ECPAS: variants seen among roughly 807,000 people sequenced by gnomAD.
The protein encoded by ECPAS is Ecm29 proteasome adaptor and scaffold.
In ECPAS, 70 loss-of-function variants were observed where a neutral mutation model predicts 255.1. That is an observed-to-expected ratio of 0.27 (90% CI 0.23 to 0.33). The LOEUF (loss-of-function observed/expected upper bound fraction) is 0.33, where lower values mean the gene tolerates loss of function less well. ECPAS is among the 10% of genes least tolerant of loss of function. The pLI, the probability that ECPAS is intolerant of heterozygous loss-of-function variation, is 1.00. For synonymous variants in ECPAS, 784 were observed against 775.0 expected (o/e 1.01, Z -0.19); for missense variants, 1,817 against 2,206.4 (o/e 0.82, Z 3.54).
intron 22 of ECPAS, among the ~76,000 whole-genome samples, chr9:111,410,644 G>C (rs753753703): frequency 6.6e-6 from 1 of 151,870 alleles, no homozygotes; most frequent in Non-Finnish European, 1.5e-5. Context: ...AGCTTCCTCA[G>C]TAGTTGAGGC....
chr9:111,401,602 A>G (rs749505168), intron 24 of ECPAS, among the ~76,000 whole-genome samples: 7 of 152,234 alleles, frequency 4.6e-5, no homozygotes, highest in Non-Finnish European at 8.8e-5. Context: ...TCCCAATCCT[A>G]GCAAGCCTGA....
In ECPAS at chr9:111,416,289, G is replaced by A; in HGVS notation, c.1747C>T (p.Pro583Ser). 1 of 1,613,032 alleles carries A rather than the reference G, an allele frequency of 6.2e-7. No homozygotes were observed. Among genetic ancestry groups the A allele is most frequent in the Non-Finnish European group, 8.5e-7 (1 of 1,179,120 alleles). ...MTGTTVLPFN[P>S]AAFGEIVLYL... ...AGTTCTACCTCTCCAAAGGCTGCTG[G>A]GTTAAATGGAAGGACAGTGGTCCCG... Residue 583 changes from proline (P) to serine (S), a missense_variant, in exon 18 of 50, where the codon CCA becomes TCA. Physicochemically the swap from Pro to Ser is moderately conservative, Grantham distance 74 (BLOSUM62 -1). Transcript: ENST00000684092.
At chr9:111,385,465 A>G (rs2098146745) in intron 32 of ECPAS, 23 bp from the exon 33 acceptor site, 1 of 1,291,710 alleles carries the variant, frequency 7.7e-7, no homozygotes, top group Non-Finnish European at 1.1e-6. Context: ...ATTTCATTTC[A>G]ATATATGATG....
chr9:111,420,109 T>C lies in ECPAS; in HGVS notation c.1467A>G (p.Gln489=), dbSNP rs571180785. The change falls in exon 16 of 50, where the codon CAA becomes CAG. Residue 489 remains glutamine (Q), a synonymous_variant. Coordinates refer to ENST00000684092, the MANE Select transcript of ECPAS (RefSeq NM_001364929.1). ...VASYLIKPEV[Q]VRQVAVKFAS... The stretch of plus-strand genomic sequence containing the variant: ...CAAATTTCACAGCCACTTGTCGAAC[T>C]TGAACTTCAGGCTATTTCATGTGTA... The C allele has an allele frequency of 1.2e-5, 19 of 1,612,100 alleles. No individual in the cohort carries two copies. The South Asian group carries it at 1.3e-4, about 11-fold the overall frequency.
chr9:111,396,113 T>C (rs916294365), intron 25 of ECPAS, among the ~76,000 whole-genome samples: 4 of 152,242 alleles, frequency 2.6e-5, no homozygotes, highest in African/African-American at 9.6e-5. Context: ...ATAAAATTGT[T>C]ACCATGAGAA....
chr9:111,465,505 AC>A (rs1324673138), intron 2 of ECPAS, among the ~76,000 whole-genome samples: 1 of 152,080 alleles, frequency 6.6e-6, no homozygotes, highest in Non-Finnish European at 1.5e-5. Context: ...GTGCCATTGC[AC>A]TGCAGCCTGG....
intron 11 of ECPAS, 24 bp downstream of exon 11, chr9:111,425,719 T>C (rs2098220580): frequency 7.5e-7 from 1 of 1,342,100 alleles, no homozygotes; most frequent in Non-Finnish European, 1.1e-6. Context: ...GAAAACTTTA[T>C]AGTTAAAATA....
chr9:111,423,279 G>A (rs769976832), intron 12 of ECPAS, 31 bp from the exon 13 acceptor site: 1 of 1,475,776 alleles, frequency 6.8e-7, no homozygotes, highest in Non-Finnish European at 9.2e-7. Context: ...AGAAAGAAAA[G>A]AAAGAACAAA....
intron 2 of ECPAS, among the ~76,000 whole-genome samples, chr9:111,468,689 C>CGTGTGTGTGTGT (rs141517725): frequency 5.9e-4 from 88 of 149,912 alleles, no homozygotes; most frequent in African/African-American, 2.0e-3. Flanking sequence ...CAAGCTCAAA[C>CGTGTGTGTGTGT]GTGTGTGTGT....
At chr9:111,442,734 C>G (rs1022997781) in intron 4 of ECPAS, among the ~76,000 whole-genome samples, 21 of 152,212 alleles carry the variant, frequency 1.4e-4, no homozygotes, top group Non-Finnish European at 3.1e-4. Flanking sequence ...TACACCTACA[C>G]ACTACATATT....
intron 31 of ECPAS, among the ~76,000 whole-genome samples, chr9:111,387,945 T>C (rs759791499): frequency 1.3e-5 from 2 of 152,148 alleles, no homozygotes; most frequent in Admixed American, 1.3e-4. Flanking sequence ...CTCACTCATC[T>C]TTTTATCCCC....
chr9:111,482,091 G>A (rs1456197570), intron 1 of ECPAS, among the ~76,000 whole-genome samples: 1 of 152,176 alleles, frequency 6.6e-6, no homozygotes, highest in African/African-American at 2.4e-5. Context: ...TGGCTAGGAC[G>A]GGAAATTTTA....
At chr9:111,371,234 A>G (rs2098126898) in intron 43 of ECPAS, among the ~76,000 whole-genome samples, 1 of 152,222 alleles carries the variant, frequency 6.6e-6, no homozygotes, top group Non-Finnish European at 1.5e-5. Flanking sequence ...GGGCATCTTC[A>G]GCCCCAGGTT....
intron 15 of ECPAS, among the ~76,000 whole-genome samples, chr9:111,421,123 G>A (rs2098212958): frequency 6.6e-6 from 1 of 152,120 alleles, no homozygotes; most frequent in African/African-American, 2.4e-5. Flanking sequence ...CACATGCACT[G>A]CACACTAAGA....
intron 31 of ECPAS, among the ~76,000 whole-genome samples, chr9:111,387,537 C>T (rs1319672489): frequency 6.6e-6 from 1 of 151,754 alleles, no homozygotes; most frequent in Non-Finnish European, 1.5e-5. Flanking sequence ...GAGTCTCACT[C>T]ATCATCAGTG....
rs1385516207 is a variant in ECPAS, at chr9:111,373,301, G to C, written c.4269+14C>G. ...CAAAGAGTTTTATTTAACTAAGCAA[G>C]AAATTTAACTCACCCGAACTAAATG... On this transcript the variant is annotated intron_variant, in intron 40 of 49. Coordinates refer to ENST00000684092, the MANE Select transcript of ECPAS (RefSeq NM_001364929.1). 1.2e-6 allele frequency: 2 copies of C among 1,613,166 alleles called. No individual in the cohort carries two copies. The highest frequency in any genetic ancestry group is 1.7e-6 in the Non-Finnish European group (2 of 1,179,252).
At chr9:111,403,896 A>C (rs1589150761) in intron 24 of ECPAS, among the ~76,000 whole-genome samples, 1 of 150,112 alleles carries the variant, frequency 6.7e-6, no homozygotes, top group East Asian at 2.0e-4. Context: ...AAAAATCCAA[A>C]TCATATCAAG....
intron 32 of ECPAS, among the ~76,000 whole-genome samples, chr9:111,385,774 T>C (rs1364763762): frequency 6.6e-6 from 1 of 152,224 alleles, no homozygotes; most frequent in African/African-American, 2.4e-5. Flanking sequence ...AATGCTATAC[T>C]ATAAAGTCAT....
intron 2 of ECPAS, among the ~76,000 whole-genome samples, chr9:111,451,799 T>C (rs951578162): frequency 2.0e-5 from 3 of 152,122 alleles, no homozygotes; most frequent in Non-Finnish European, 2.9e-5. Flanking sequence ...CTCTCCCACA[T>C]GCAACGTTAT....
Sources: allele counts gnomAD v4.1 joint callset (sites outside exome capture counted in the v4.1 genomes callset), GRCh38; gene constraint gnomAD v4.1.1; transcripts MANE v1.5; gene names NCBI Gene and HGNC (gene_info 2026-07-23, HGNC 2026-07-21).